RBM26: variants seen among roughly 807,000 people sequenced by gnomAD.
The protein encoded by RBM26 is RNA-binding protein 26.
Under a neutral mutation model 123.6 loss-of-function variants are expected in RBM26, and 30 were observed. The ratio of observed to expected loss-of-function variants is 0.24; its 90% CI spans 0.18 to 0.33. The LOEUF is 0.33. Ranked by LOEUF, RBM26 falls within the 10% of genes least tolerant of loss-of-function variation. RBM26 has a pLI of 1.00. For synonymous variants in RBM26, 400 were observed against 404.4 expected, an observed-to-expected ratio of 0.99 and a Z score of 0.13; for missense variants, 947 against 1,203.6, an observed-to-expected ratio of 0.79 and a Z score of 3.15.
chr13:79,367,761 T>G (rs114957157), intron 6 of RBM26, among the ~76,000 whole-genome samples: 7,563 of 152,148 alleles, frequency 0.05, 634 homozygotes, highest in African/African-American at 0.17. Flanking sequence ...CAAAGACACC[T>G]CTTTTCTTTA....
In RBM26 at chr13:79,371,178, A is replaced by G. The variant is rs770553580; in HGVS notation, c.417-16T>C. The G allele has an allele frequency of 5.7e-6, 9 of 1,590,106 alleles. No individual in the cohort carries two copies. In the Admixed American group the frequency reaches 1.2e-4, roughly 21 times the overall value. On this transcript the variant is annotated splice_polypyrimidine_tract_variant and intron_variant, in intron 4 of 21. Coordinates refer to ENST00000438737, the MANE Select transcript of RBM26 (RefSeq NM_001366735.2). Reference sequence around the variant, plus strand: ...ATCACGGCTTCTAAAGAAATATGTGATCACTTTAATACAAATAATTTTTAA... The same window carrying G: ...ATCACGGCTTCTAAAGAAATATGTGGTCACTTTAATACAAATAATTTTTAA...
At position 79,337,276 on chromosome 13, in the gene RBM26, A is replaced by G. The variant is rs767849831; in HGVS notation, c.2559T>C (p.Ser853=). The change falls in exon 19 of 22, where the codon TCT becomes TCC. Residue 853 remains serine (S), a synonymous_variant. Coordinates refer to ENST00000438737, the MANE Select transcript of RBM26 (RefSeq NM_001366735.2). ...LEAAKRGILS[S]GRGRGIHSRG... ...TTGAATGAATTCCTCTGCCCCGACC[A>G]GATGAAAGAATCCCTCGTTTGGCAG... The G allele has an allele frequency of 6.2e-7, 1 of 1,614,190 alleles. No homozygotes were observed. Among genetic ancestry groups the G allele is most frequent in the South Asian group, 1.1e-5 (1 of 91,088 alleles).
chr13:79,359,194 T>C (rs928447754), intron 10 of RBM26, among the ~76,000 whole-genome samples: 2 of 152,158 alleles, frequency 1.3e-5, no homozygotes, highest in Admixed American at 1.3e-4. Flanking sequence ...TTCTAGCTCC[T>C]ACCTAGCAGG....
chr13:79,316,240 A>C (rs900267757), downstream of RBM26, among the ~76,000 whole-genome samples: 1 of 110,108 alleles, frequency 9.1e-6, no homozygotes, highest in Non-Finnish European at 2.1e-5. Context: ...TGTTGGGTGG[A>C]GCTTACAAAA....
rs2078757203 is a variant in RBM26 at position 79,398,196 on chromosome 13, GAAGC to G, written c.71+7504_71+7507del. On this transcript the variant is annotated intron_variant, in intron 1 of 21. Coordinates refer to ENST00000438737, the MANE Select transcript of RBM26 (RefSeq NM_001366735.2). ...ATTCATTCTTTTCTCTGGCACAAAG[GAAGC>G]AAGAAGAGGGAAAAAAATCTTACAA... Among the ~76,000 whole-genome samples the G allele has an allele frequency of 3.3e-5, 5 of 152,130 alleles. 1 individual carries two copies. Among genetic ancestry groups the G allele is most frequent in the Admixed American group, 3.3e-4 (5 of 15,272 alleles).
intron 3 of RBM26, chr13:79,376,776 G>C (rs187706332): frequency 2.2e-4 from 33 of 152,372 alleles, no homozygotes; most frequent in African/African-American, 7.5e-4. Context: ...GTAAGATATT[G>C]TGCAGAGTAA....
intron 14 of RBM26, among the ~76,000 whole-genome samples, chr13:79,352,660 T>C (rs1479839372): frequency 6.6e-6 from 1 of 152,184 alleles, no homozygotes; most frequent in Non-Finnish European, 1.5e-5. Flanking sequence ...AAAATATTTG[T>C]AAATAAATGA....
In RBM26 at chr13:79,359,625, G is replaced by C. The variant is rs1160424325; in HGVS notation, c.1479C>G (p.Thr493=). 6.3e-7 allele frequency: 1 copy of C among 1,598,860 alleles called. No homozygotes were observed. Among genetic ancestry groups the C allele is most frequent in the Non-Finnish European group, 8.5e-7 (1 of 1,173,696 alleles). ...GAACTCCAGGCTCTCCAGAACCAATGGTTCTTTTCCTTGATTCTGAGTCCA... is the reference window on the plus strand; with the variant it reads ...GAACTCCAGGCTCTCCAGAACCAATCGTTCTTTTCCTTGATTCTGAGTCCA... ...IVVDSESRKR[T]IGSGEPGVPT... The change falls in exon 10 of 22, where the codon ACC becomes ACG. Residue 493 remains threonine, a synonymous_variant. Transcript: ENST00000438737.
At chr13:79,350,203 T>C (rs533763308) in intron 14 of RBM26, among the ~76,000 whole-genome samples, 1 of 152,292 alleles carries the variant, frequency 6.6e-6, no homozygotes, top group Non-Finnish European at 1.5e-5. Flanking sequence ...TAATATATCA[T>C]CATGCAGAGA....
At chr13:79,372,194 G>A (rs535932750) in intron 3 of RBM26, among the ~76,000 whole-genome samples, 3 of 152,204 alleles carry the variant, frequency 2.0e-5, no homozygotes, top group Admixed American at 6.5e-5. Flanking sequence ...AAAGAGAATC[G>A]CTTGAACCTG....
At chr13:79,334,293 A>T in intron 20 of RBM26, 51 bp downstream of exon 20, 1 of 1,016,802 alleles carries the variant, frequency 9.8e-7, no homozygotes, top group Non-Finnish European at 1.5e-6. Flanking sequence ...CTTAAAAGTA[A>T]TACTTATAAA....
At chr13:79,316,414 AT>A (rs904273550), downstream of RBM26, among the ~76,000 whole-genome samples, 22 of 3,998 alleles carry the variant, frequency 5.5e-3, no homozygotes, top group East Asian at 0.5. Context: ...TTGAACCCTT[AT>A]AAGCCAACAG....
intron 14 of RBM26, among the ~76,000 whole-genome samples, chr13:79,351,972 T>C (rs1594215465): frequency 1.3e-5 from 2 of 152,146 alleles, no homozygotes; most frequent in African/African-American, 4.8e-5. Context: ...ATTGTAAGGC[T>C]TTTGGATCAC....
intron 14 of RBM26, among the ~76,000 whole-genome samples, chr13:79,349,161 C>G (rs2072807005): frequency 6.6e-6 from 1 of 152,136 alleles, no homozygotes; most frequent in South Asian, 2.1e-4. Context: ...ATGGCTAAGT[C>G]AAGCTAATTA....
intron 17 of RBM26, 117 bp downstream of exon 17, chr13:79,342,547 A>G: frequency 2.6e-6 from 2 of 772,654 alleles, no homozygotes; most frequent in Non-Finnish European, 4.3e-6. Context: ...AGAATGGTAC[A>G]TACAATGGTC....
rs1239213178 is a variant in RBM26, at chr13:79,313,581, G to A, written c.*1389C>T. On this transcript the variant is annotated 3_prime_UTR_variant, in exon 5 of 5. Coordinates refer to the RBM26 transcript ENST00000449987. ...CAATTAAAAATACTCAACTAATTTG[G>A]GGAAATATTTATGAACACCCTGTGG... 3 of 151,494 alleles carry A rather than the reference G, an allele frequency of 2.0e-5. No individual in the cohort carries two copies. In the East Asian group the frequency reaches 5.8e-4, roughly 29 times the overall value. 9.4% of individuals were successfully genotyped at this position (151,494 alleles called of 1,614,324 possible).
chr13:79,372,842 T>TAATTACATGA lies in RBM26; in HGVS notation c.328-913_328-912insTCATGTAATT, dbSNP rs1566502096. 4.3e-4 allele frequency among the ~76,000 whole-genome samples: 48 copies of TAATTACATGA among 111,146 alleles called. 2 individuals carry two copies. The highest frequency in any genetic ancestry group is 1.7e-3 in the African/African-American group (43 of 25,184). The allele number at this position is 111,146 out of a possible 152,430, so 72.9% of individuals were successfully genotyped here. A position where few individuals can be genotyped will look rare whatever the true frequency, so the allele number is the denominator to read the frequency against. ...ATAATAAATATTTTATATAAATATA[T>TAATTACATGA]TATATATTATATAAATATAAATATA... On this transcript the variant is annotated intron_variant, in intron 3 of 21. Transcript: ENST00000438737.
At chr13:79,368,435 CAAT>C (rs2075560934) in intron 6 of RBM26, among the ~76,000 whole-genome samples, 1 of 152,162 alleles carries the variant, frequency 6.6e-6, no homozygotes, top group African/African-American at 2.4e-5. Context: ...TGAGTTTTGT[CAAT>C]AATGTTTCAG....
At chr13:79,359,858 T>C (rs1343548055) in intron 9 of RBM26, among the ~76,000 whole-genome samples, 172 bp from the exon 10 acceptor site, 1 of 151,282 alleles carries the variant, frequency 6.6e-6, no homozygotes, top group Non-Finnish European at 1.5e-5. Context: ...CTCCCCCTTA[T>C]CCAGTTTCAT....
Sources: allele counts gnomAD v4.1 joint callset (sites outside exome capture counted in the v4.1 genomes callset), GRCh38; gene constraint gnomAD v4.1.1; transcripts MANE v1.5; gene names NCBI Gene and HGNC (gene_info 2026-07-23, HGNC 2026-07-21).